The following TMEM63C variants were observed in gnomAD, a reference collection of about 807,000 sequenced individuals.
TMEM63C encodes osmosensitive cation channel TMEM63C.
Under a neutral mutation model 99.2 loss-of-function variants are expected in TMEM63C, and 32 were observed. The ratio of observed to expected loss-of-function variants is 0.32; its 90% CI spans 0.24 to 0.43. TMEM63C has a LOEUF of 0.43. Among genes scored for constraint, TMEM63C ranks in the 20% least tolerant of loss-of-function variants. The pLI is 1.00. For missense variants in TMEM63C, 826 were observed against 1,053.0 expected (o/e 0.78, Z 2.98); for synonymous variants, 376 against 397.9 (o/e 0.94, Z 0.66).
In TMEM63C at chr14:77,244,515, G is replaced by T; in HGVS notation, c.1448+60G>T. On this transcript the variant is annotated intron_variant, in intron 16 of 23. Coordinates refer to ENST00000298351, the MANE Select transcript of TMEM63C (RefSeq NM_020431.4). ...TTCTCCAGCCTCTTCCCCTGCCCTGGCTTCCCCGCCAGCCTGGCACTTGGG... is the reference window on the plus strand; with the variant it reads ...TTCTCCAGCCTCTTCCCCTGCCCTGTCTTCCCCGCCAGCCTGGCACTTGGG... 2.2e-6 allele frequency: 3 copies of T among 1,389,532 alleles called. No homozygotes were observed. The African/African-American group carries it at 4.3e-5, about 20-fold the overall frequency. The allele number at this position is 1,389,532 out of a possible 1,614,324, so 86.1% of individuals were successfully genotyped here.
intron 5 of TMEM63C, among the ~76,000 whole-genome samples, chr14:77,220,351 T>C (rs1031813090): frequency 6.6e-6 from 1 of 152,196 alleles, no homozygotes; most frequent in Non-Finnish European, 1.5e-5. Flanking sequence ...ATTTTTAACA[T>C]TAATTTGTCT....
At chr14:77,203,143 C>T (rs185538749) in intron 1 of TMEM63C, among the ~76,000 whole-genome samples, 18 of 152,164 alleles carry the variant, frequency 1.2e-4, no homozygotes, top group East Asian at 7.7e-4. Flanking sequence ...TTTGGGAGGC[C>T]GAGGTGGGTG....
intron 10 of TMEM63C, 30 bp downstream of exon 10, chr14:77,238,797 G>C: frequency 6.3e-7 from 1 of 1,583,714 alleles, no homozygotes; most frequent in South Asian, 1.1e-5. Context: ...CCAAGGCGTG[G>C]ATTGCTTCCT....
At chr14:77,227,789 G>A (rs140294501) in intron 6 of TMEM63C, among the ~76,000 whole-genome samples, 13 of 152,328 alleles carry the variant, frequency 8.5e-5, no homozygotes, top group Non-Finnish European at 1.5e-4. Flanking sequence ...TGGTGAGTTG[G>A]GTCTCTGTTG....
chr14:77,237,800 A>G (rs543248079), intron 9 of TMEM63C, among the ~76,000 whole-genome samples: 16 of 152,356 alleles, frequency 1.1e-4, no homozygotes, highest in African/African-American at 3.4e-4. Context: ...CATCTGGACC[A>G]GCACCCATGC....
intron 5 of TMEM63C, among the ~76,000 whole-genome samples, chr14:77,221,677 A>C (rs1594858941): frequency 2.5e-5 from 2 of 80,446 alleles, no homozygotes; most frequent in Admixed American, 1.4e-4. Flanking sequence ...CTCCTCTCCC[A>C]CTCATGCCTC....
intron 1 of TMEM63C, among the ~76,000 whole-genome samples, chr14:77,193,678 T>TA (rs959340222): frequency 1.3e-5 from 2 of 151,798 alleles, no homozygotes; most frequent in African/African-American, 4.8e-5. Context: ...CTGTTAAAAA[T>TA]ACAAAATTAG....
intron 6 of TMEM63C, among the ~76,000 whole-genome samples, chr14:77,228,836 C>T (rs1319879499): frequency 6.6e-6 from 1 of 152,076 alleles, no homozygotes; most frequent in African/African-American, 2.4e-5. Flanking sequence ...TGCACCCGGC[C>T]TTAAAAATAA....
At chr14:77,194,986 G>T (rs940774225) in intron 1 of TMEM63C, among the ~76,000 whole-genome samples, 2 of 152,032 alleles carry the variant, frequency 1.3e-5, no homozygotes, top group Admixed American at 1.3e-4. Flanking sequence ...GGGCATGGTT[G>T]CATGTGCCTG....
intron 22 of TMEM63C, 116 bp from the exon 23 acceptor site, chr14:77,253,189 G>A (rs902645516): frequency 2.0e-5 from 18 of 884,786 alleles, no homozygotes; most frequent in Non-Finnish European, 3.1e-5. Flanking sequence ...AAAGACAGAA[G>A]ATGAGTTGAG....
chr14:77,182,243 G>A (rs1380593717), intron 1 of TMEM63C, among the ~76,000 whole-genome samples: 1 of 152,094 alleles, frequency 6.6e-6, no homozygotes, highest in Non-Finnish European at 1.5e-5. Flanking sequence ...GTTACCGCTC[G>A]GGGCTACCCT....
chr14:77,252,788 C>T (rs1038155694), intron 22 of TMEM63C, among the ~76,000 whole-genome samples: 9 of 152,216 alleles, frequency 5.9e-5, no homozygotes, highest in Non-Finnish European at 1.0e-4. Flanking sequence ...CTGCCCTCTC[C>T]GCCCAGCCTT....
At chr14:77,248,660 G>A (rs1181673895) in intron 19 of TMEM63C, 107 bp from the exon 20 acceptor site, 27 of 1,499,160 alleles carry the variant, frequency 1.8e-5, no homozygotes, top group African/African-American at 2.8e-5. Flanking sequence ...GGTTGGAAAG[G>A]AGGCTGCCTC....
At chr14:77,210,058 T>G (rs1401700654) in intron 1 of TMEM63C, among the ~76,000 whole-genome samples, 1 of 152,128 alleles carries the variant, frequency 6.6e-6, no homozygotes, top group African/African-American at 2.4e-5. Flanking sequence ...TATCCCCAAA[T>G]CTCTCCACCC....
intron 22 of TMEM63C, among the ~76,000 whole-genome samples, 163 bp from the exon 23 acceptor site, chr14:77,253,142 C>A (rs186680956): frequency 1.3e-5 from 2 of 152,308 alleles, no homozygotes; most frequent in African/African-American, 4.8e-5. Context: ...TTCTCTCTGT[C>A]CCCCTGGGTC....
At chr14:77,205,617 G>A (rs1267678243) in intron 1 of TMEM63C, among the ~76,000 whole-genome samples, 2 of 152,212 alleles carry the variant, frequency 1.3e-5, no homozygotes, top group Non-Finnish European at 2.9e-5. Context: ...GAGGATCAAG[G>A]TCCTCCACAG....
At chr14:77,229,836 A>G (rs889221905) in intron 6 of TMEM63C, among the ~76,000 whole-genome samples, 38 of 152,034 alleles carry the variant, frequency 2.5e-4, no homozygotes, top group African/African-American at 8.7e-4. Flanking sequence ...CAAAGTTTCT[A>G]TGAGCACTTG....
At chr14:77,186,783 G>GTGTGTGTGTGTC (rs1888002514) in intron 1 of TMEM63C, among the ~76,000 whole-genome samples, 1 of 108,446 alleles carries the variant, frequency 9.2e-6, no homozygotes, top group Middle Eastern at 3.9e-3. Context: ...AGGGGTGTGT[G>GTGTGTGTGTGTC]TGTGTGTGTG....
chr14:77,254,142 T>TG (rs1432675445), intron 23 of TMEM63C, among the ~76,000 whole-genome samples: 7 of 151,996 alleles, frequency 4.6e-5, no homozygotes, highest in Non-Finnish European at 1.5e-5. Flanking sequence ...AAGTAGGGTG[T>TG]GGGGCAAGAG....
Sources: allele counts gnomAD v4.1 joint callset (sites outside exome capture counted in the v4.1 genomes callset), GRCh38; gene constraint gnomAD v4.1.1; transcripts MANE v1.5; gene names NCBI Gene and HGNC (gene_info 2026-07-23, HGNC 2026-07-21).